Variants in ATP11B observed in about 807,000 individuals in gnomAD.
ATP11B encodes phospholipid-transporting ATPase IF.
A neutral mutation model predicts 157.8 loss-of-function variants in ATP11B; 81 were observed. The ratio of observed to expected loss-of-function variants is 0.51; its 90% CI spans 0.43 to 0.62. The LOEUF (loss-of-function observed/expected upper bound fraction) is 0.62. ATP11B is among the 20% of genes least tolerant of loss of function. The pLI is 0.00. For missense variants in ATP11B, 1,165 were observed against 1,402.2 expected (o/e 0.83, Z 2.70); for synonymous variants, 451 against 469.4 (o/e 0.96, Z 0.51).
chr3:182,918,285 C>G lies in ATP11B; in HGVS notation c.*181C>G. 1 of 710,862 alleles carries G rather than the reference C, an allele frequency of 1.4e-6. No homozygotes were observed. The highest frequency in any genetic ancestry group is 3.7e-5 in the Admixed American group (1 of 26,884). 44.0% of individuals were successfully genotyped at this position (710,862 alleles called of 1,614,324 possible). ...CATTAGTACAAGCCCCTCCCAACAC[C>G]CTTAATTTGAATCTGAACATGTTAA... is the stretch of plus-strand genomic sequence containing the variant. On this transcript the variant is annotated 3_prime_UTR_variant, in exon 30 of 30. Transcript: ENST00000323116.
At chr3:182,837,805 G>A (rs2108511802) in intron 7 of ATP11B, among the ~76,000 whole-genome samples, 1 of 152,096 alleles carries the variant, frequency 6.6e-6, no homozygotes, top group African/African-American at 2.4e-5. Context: ...AAGGAACAGA[G>A]GAACTAACTG....
chr3:182,916,855 TGTTATAGTTAAAA>T lies in ATP11B; in HGVS notation c.3453-1153_3453-1141del, dbSNP rs765251512. On this transcript the variant is annotated intron_variant, in intron 29 of 29. Transcript: ENST00000323116. ...TCCGGATAATTGGAGTACTGATAGC[TGTTATAGTTAAAA>T]GTTATAGTTAAAAGCATACTTGTCC... The T allele has an allele frequency of 1.1e-4, 106 of 983,972 alleles. No homozygotes were observed. The Admixed American group carries it at 1.5e-3, about 14-fold the overall frequency. 61.0% of individuals were successfully genotyped at this position (983,972 alleles called of 1,614,324 possible). A position where few individuals can be genotyped will look rare whatever the true frequency, so the allele number is the denominator to read the frequency against.
chr3:182,825,740 A>T lies in ATP11B; in HGVS notation c.145-2380A>T, dbSNP rs78311043. Among the ~76,000 whole-genome samples the T allele has an allele frequency of 2.7e-5, 4 of 150,574 alleles. No homozygotes were observed. In the South Asian group the frequency reaches 8.4e-4, roughly 32 times the overall value. On this transcript the variant is annotated intron_variant, in intron 2 of 29. Transcript: ENST00000323116. ...TCTGTCTCAAAAAAAAAAAAAAAAA[A>T]TACAGAAAAATTAGCCAGGTGTGGT...
At chr3:182,804,565 C>A (rs1296167928) in intron 1 of ATP11B, among the ~76,000 whole-genome samples, 1 of 152,166 alleles carries the variant, frequency 6.6e-6, no homozygotes, top group Non-Finnish European at 1.5e-5. Flanking sequence ...AGTGTTCTTT[C>A]TCATCTTCTG....
chr3:182,859,773 C>T (rs944602433), intron 12 of ATP11B, among the ~76,000 whole-genome samples: 10 of 151,852 alleles, frequency 6.6e-5, no homozygotes, highest in Non-Finnish European at 1.0e-4. Flanking sequence ...CCTGTAATAC[C>T]ATAATTACAT....
In ATP11B at chr3:182,874,080, A is replaced by G. The variant is rs573565389; in HGVS notation, c.2252+65A>G. ...AGCAAACTATGGTTCCCTGGGCCCG[A>G]TGATATAGCCCACTGTCACTGCCTG... is the stretch of plus-strand genomic sequence containing the variant. On this transcript the variant is annotated intron_variant, in intron 19 of 29. Coordinates refer to ENST00000323116, the MANE Select transcript of ATP11B (RefSeq NM_014616.3). 17 of 1,429,764 alleles carry G rather than the reference A, an allele frequency of 1.2e-5. No individual in the cohort carries two copies. In the African/African-American group the frequency reaches 2.3e-4, roughly 19 times the overall value. 88.6% of individuals were successfully genotyped at this position (1,429,764 alleles called of 1,614,324 possible).
At chr3:182,855,480 G>T (rs1248508544) in intron 10 of ATP11B, among the ~76,000 whole-genome samples, 2 of 152,136 alleles carry the variant, frequency 1.3e-5, no homozygotes, top group Non-Finnish European at 2.9e-5. Flanking sequence ...AGAGCTAGAA[G>T]ACATGACACT....
intron 1 of ATP11B, among the ~76,000 whole-genome samples, chr3:182,817,197 A>G (rs1446660113): frequency 6.6e-6 from 1 of 151,846 alleles, no homozygotes; most frequent in African/African-American, 2.4e-5. Flanking sequence ...TTGTCATCTT[A>G]TTTTTAATTG....
intron 14 of ATP11B, 70 bp from the exon 15 acceptor site, chr3:182,867,306 G>A (rs1200085949): frequency 1.2e-5 from 11 of 894,800 alleles, no homozygotes; most frequent in African/African-American, 3.4e-5. Flanking sequence ...TTCAAGTTAA[G>A]CTATAGTGAC....
chr3:182,872,949 G>T (rs1721772815), intron 18 of ATP11B, among the ~76,000 whole-genome samples: 1 of 152,070 alleles, frequency 6.6e-6, no homozygotes, highest in Admixed American at 6.6e-5. Context: ...CTTCTGCCTG[G>T]GTGATTCTTC....
intron 19 of ATP11B, 146 bp from the exon 20 acceptor site, chr3:182,879,350 A>C (rs1261523978): frequency 1.6e-6 from 1 of 612,126 alleles, no homozygotes; most frequent in Non-Finnish European, 2.6e-6. Flanking sequence ...GTAGTAAAAC[A>C]GTTTGTTTCC....
intron 12 of ATP11B, among the ~76,000 whole-genome samples, chr3:182,864,137 C>T (rs1369627664): frequency 6.6e-6 from 1 of 151,934 alleles, no homozygotes; most frequent in Non-Finnish European, 1.5e-5. Flanking sequence ...TTGTGCTGAA[C>T]TTATATATTC....
intron 24 of ATP11B, among the ~76,000 whole-genome samples, chr3:182,888,382 G>A (rs1416860310): frequency 6.6e-6 from 1 of 152,178 alleles, no homozygotes; most frequent in Non-Finnish European, 1.5e-5. Context: ...GAAGTTAGGA[G>A]CATCAGTGCT....
intron 2 of ATP11B, 112 bp downstream of exon 2, chr3:182,820,488 A>G: frequency 5.6e-6 from 4 of 718,312 alleles, no homozygotes; most frequent in Non-Finnish European, 9.5e-6. Context: ...GTTTGCGACC[A>G]GTGTGGGCAA....
At chr3:182,879,460 G>A (rs1486020339) in intron 19 of ATP11B, 36 bp from the exon 20 acceptor site, 8 of 1,536,856 alleles carry the variant, frequency 5.2e-6, no homozygotes, top group Non-Finnish European at 7.0e-6. Flanking sequence ...TGGCTTCAAA[G>A]TATCTTACAG....
intron 1 of ATP11B, among the ~76,000 whole-genome samples, chr3:182,809,888 C>A (rs1241478824): frequency 6.6e-6 from 1 of 152,064 alleles, no homozygotes. Context: ...AGTAAGTATT[C>A]TTTGATTGGT....
intron 9 of ATP11B, among the ~76,000 whole-genome samples, chr3:182,847,490 C>A (rs1719625700): frequency 6.6e-6 from 1 of 152,150 alleles, no homozygotes; most frequent in African/African-American, 2.4e-5. Flanking sequence ...CTCAGTACCA[C>A]CTCTCCCTAT....
chr3:182,821,767 A>C (rs905740025), intron 2 of ATP11B, among the ~76,000 whole-genome samples: 1 of 152,230 alleles, frequency 6.6e-6, no homozygotes, highest in African/African-American at 2.4e-5. Flanking sequence ...TGGACGGTAC[A>C]GTTATAGAGG....
At chr3:182,844,081 T>C (rs1483511200) in intron 8 of ATP11B, 6 of 152,122 alleles carry the variant, frequency 3.9e-5, no homozygotes, top group African/African-American at 1.4e-4. Context: ...CTAGAATGGT[T>C]AAAAAAATGA....
Sources: gnomAD v4.1 joint callset for allele counts (sites outside exome capture counted in the v4.1 genomes callset) on GRCh38, gnomAD v4.1.1 for gene constraint, MANE v1.5 for transcripts, NCBI Gene and HGNC (gene_info 2026-07-23, HGNC 2026-07-21) for gene names.